The following KLRG1 variants were observed in gnomAD, a reference collection of about 807,000 sequenced individuals.
KLRG1 encodes killer cell lectin like receptor G1, also known as killer cell lectin-like receptor subfamily G member 1.
In KLRG1, 16 loss-of-function variants were observed where a neutral mutation model predicts 21.8. The ratio of observed to expected loss-of-function variants is 0.73; its 90% CI spans 0.50 to 1.11. KLRG1 has a LOEUF of 1.11. KLRG1 is among the 50% of genes most tolerant of loss of function. The pLI, the probability that KLRG1 is intolerant of heterozygous loss-of-function variation, is 0.00. For synonymous variants in KLRG1, 69 were observed against 75.9 expected, an observed-to-expected ratio of 0.91 and a Z score of 0.47; for missense variants, 173 against 218.3, an observed-to-expected ratio of 0.79 and a Z score of 1.31.
chr12:8,970,148 C>T (rs775710128), intron 1 of KLRG1, among the ~76,000 whole-genome samples: 4 of 152,266 alleles, frequency 2.6e-5, no homozygotes, highest in East Asian at 1.9e-4. Context: ...AAAACAACCA[C>T]GATAATAAGT....
chr12:8,952,622 A>G (rs1035137728), intron 1 of KLRG1, among the ~76,000 whole-genome samples: 2 of 152,320 alleles, frequency 1.3e-5, no homozygotes, highest in East Asian at 3.9e-4. Flanking sequence ...TCTGGTACAC[A>G]TTTTACCTAA....
the KLRG1 span, chr12:9,109,755 A>T: frequency 2.7e-5 from 29 of 1,074,762 alleles, no homozygotes; most frequent in East Asian, 6.5e-4. Flanking sequence ...TTCTACTCCA[A>T]GCCCAATGTC....
the KLRG1 span, among the ~76,000 whole-genome samples, chr12:9,148,557 A>G: frequency 6.6e-6 from 1 of 151,988 alleles, no homozygotes; most frequent in Non-Finnish European, 1.5e-5. Flanking sequence ...ACTTCTCCTC[A>G]TCTCAAACAT....
intron 2 of KLRG1, among the ~76,000 whole-genome samples, chr12:8,994,712 T>C (rs1947076776): frequency 6.6e-6 from 1 of 152,252 alleles, no homozygotes. Context: ...TATGCAATTA[T>C]GCAATATATA....
the KLRG1 span, among the ~76,000 whole-genome samples, chr12:9,179,925 A>G: frequency 6.6e-6 from 1 of 152,222 alleles, no homozygotes; most frequent in Non-Finnish European, 1.5e-5. Flanking sequence ...TCAAAATCAC[A>G]TCTCAGCTTG....
chr12:9,022,123 T>C, the KLRG1 span, among the ~76,000 whole-genome samples: 2 of 152,132 alleles, frequency 1.3e-5, no homozygotes, highest in South Asian at 2.1e-4. Context: ...CTGGGCAACA[T>C]AGCCAGACCC....
the KLRG1 span, chr12:9,109,857 T>C: frequency 6.3e-7 from 1 of 1,581,828 alleles, no homozygotes; most frequent in Non-Finnish European, 8.6e-7. Flanking sequence ...TGACTTTTCA[T>C]GATCCATACC....
the KLRG1 span, among the ~76,000 whole-genome samples, chr12:9,175,350 A>G: frequency 2.6e-5 from 4 of 152,236 alleles, no homozygotes; most frequent in African/African-American, 4.8e-5. Context: ...ACCCAAAACT[A>G]TAAAGACCCT....
the KLRG1 span, chr12:9,093,582 A>G: frequency 8.9e-6 from 10 of 1,126,988 alleles, no homozygotes; most frequent in East Asian, 7.3e-5. Context: ...ATCTGACTCT[A>G]TGGTGAGTGA....
At chr12:9,107,599 A>C in the KLRG1 span, 1 of 1,613,992 alleles carries the variant, frequency 6.2e-7, no homozygotes, top group African/African-American at 1.3e-5. Context: ...ACTTTCTGCA[A>C]ATGCTCACAG....
At chr12:9,079,195 A>G in the KLRG1 span, 410 of 1,453,494 alleles carry the variant, frequency 2.8e-4, no homozygotes, top group Non-Finnish European at 3.8e-4. Context: ...TAATACATGT[A>G]AAAGAGCTGG....
the KLRG1 span, chr12:9,160,589 G>A: frequency 8.8e-7 from 1 of 1,132,966 alleles, no homozygotes; most frequent in Non-Finnish European, 1.3e-6. Flanking sequence ...CTATCATTTA[G>A]GTAAGAGAAA....
chr12:9,097,218 C>T, the KLRG1 span, among the ~76,000 whole-genome samples: 493 of 152,190 alleles, frequency 3.2e-3, 6 homozygotes, highest in Admixed American at 0.025. Flanking sequence ...TTGATGCTTC[C>T]TTTAGAAGTA....
upstream of KLRG1, among the ~76,000 whole-genome samples, chr12:8,986,627 T>G (rs1045669287): frequency 6.6e-6 from 1 of 152,074 alleles, no homozygotes; most frequent in African/African-American, 2.4e-5. Context: ...TGGAAGATCC[T>G]CCAAGCTTAT....
At chr12:9,031,901 A>G in the KLRG1 span, among the ~76,000 whole-genome samples, 1 of 152,244 alleles carries the variant, frequency 6.6e-6, no homozygotes, top group African/African-American at 2.4e-5. Context: ...CTTGGTGGCT[A>G]AAGCCAGCGG....
At chr12:9,159,721 C>T in the KLRG1 span, among the ~76,000 whole-genome samples, 2 of 151,660 alleles carry the variant, frequency 1.3e-5, no homozygotes, top group African/African-American at 4.9e-5. Flanking sequence ...CGTGGGACTC[C>T]TCAGAGTCCA....
chr12:9,071,917 A>G, the KLRG1 span, among the ~76,000 whole-genome samples: 7 of 152,358 alleles, frequency 4.6e-5, no homozygotes, highest in East Asian at 1.3e-3. Context: ...ATTGATGCAT[A>G]TAAGTGTATC....
At chr12:9,111,566 TGAGAGA>T in the KLRG1 span, 1 of 456,240 alleles carries the variant, frequency 2.2e-6, no homozygotes, top group African/African-American at 2.0e-5. Context: ...GATGTGGGTA[TGAGAGA>T]AAGAGAAACA....
chr12:9,157,051 G>T, the KLRG1 span: 3 of 825,936 alleles, frequency 3.6e-6, no homozygotes, highest in Non-Finnish European at 5.4e-6. Flanking sequence ...GGTCCCCCAT[G>T]CATTAGCTAT....
Sources: allele counts gnomAD v4.1 joint callset (sites outside exome capture counted in the v4.1 genomes callset), GRCh38; gene constraint gnomAD v4.1.1; transcripts MANE v1.5; gene names NCBI Gene and HGNC (gene_info 2026-07-23, HGNC 2026-07-21).